Variants in LIPI observed in about 807,000 individuals in gnomAD.
The protein encoded by LIPI is lipase I.
Under a neutral mutation model 50.6 loss-of-function variants are expected in LIPI, and 59 were observed. The observed-to-expected ratio is 1.16, with a 90% CI of 0.94 to 1.45. The LOEUF is 1.45. Among genes scored for constraint, LIPI ranks in the 40% most tolerant of loss-of-function variants. The pLI, the probability that LIPI is intolerant of heterozygous loss-of-function variation, is 0.00. For missense variants in LIPI, 586 were observed against 536.3 expected (o/e 1.09, Z -0.92); for synonymous variants, 203 against 178.2 (o/e 1.14, Z -1.11).
intron 9 of LIPI, among the ~76,000 whole-genome samples, chr21:14,140,022 G>A (rs1447953938): frequency 1.3e-5 from 2 of 152,150 alleles, no homozygotes; most frequent in Non-Finnish European, 2.9e-5. Context: ...GCTTTTATAT[G>A]AAGTGTGAAG....
At chr21:14,192,959 CAAAT>C (rs2019726581) in intron 1 of LIPI, among the ~76,000 whole-genome samples, 1 of 152,082 alleles carries the variant, frequency 6.6e-6, no homozygotes, top group Non-Finnish European at 1.5e-5. Context: ...AAATATATGA[CAAAT>C]AAAAACAGTT....
intron 9 of LIPI, among the ~76,000 whole-genome samples, chr21:14,137,971 GA>G (rs1020387880): frequency 2.6e-5 from 4 of 151,948 alleles, no homozygotes; most frequent in African/African-American, 9.7e-5. Context: ...AGTGCTGAAG[GA>G]AAAAAATAAG....
intron 7 of LIPI, among the ~76,000 whole-genome samples, chr21:14,156,544 A>G (rs910409007): frequency 2.6e-5 from 4 of 151,966 alleles, no homozygotes; most frequent in African/African-American, 9.7e-5. Context: ...CATCTGTATT[A>G]GACTTCTGGA....
rs1243620492 is a variant in LIPI, at chr21:14,181,830, T to C, written c.571A>G (p.Arg191Gly). Residue 191 changes from arginine (R) to glycine (G), a missense_variant, in exon 4 of 10, where the codon AGA (arginine) becomes GGA (glycine). Coordinates refer to ENST00000681601, the MANE Select transcript of LIPI (RefSeq NM_001302998.2). ...GLDPAGPRFS[R>G]KPPYSRLDYT... ...TCTAATCTGCTATATGGTGGTTTTCTGGAGAACCTTGGCCCAGCAGGGTCA... is the reference window on the plus strand; with the variant it reads ...TCTAATCTGCTATATGGTGGTTTTCCGGAGAACCTTGGCCCAGCAGGGTCA... 1 of 1,612,006 alleles carries C rather than the reference T, an allele frequency of 6.2e-7. No individual in the cohort carries two copies. Among genetic ancestry groups the C allele is most frequent in the Non-Finnish European group, 8.5e-7 (1 of 1,178,462 alleles).
At chr21:14,155,725 T>A (rs2123110043) in intron 7 of LIPI, among the ~76,000 whole-genome samples, 1 of 152,092 alleles carries the variant, frequency 6.6e-6, no homozygotes, top group South Asian at 2.1e-4. Flanking sequence ...CCAACAAAAC[T>A]GTCCTTTGAG....
At chr21:14,116,159 C>G (rs1047468911) in intron 9 of LIPI, among the ~76,000 whole-genome samples, 30 of 151,982 alleles carry the variant, frequency 2.0e-4, no homozygotes, top group Non-Finnish European at 2.9e-4. Context: ...GAGAGAGGCT[C>G]GTTTCATCTG....
At chr21:14,150,159 A>G (rs1224205574) in intron 8 of LIPI, among the ~76,000 whole-genome samples, 5 of 152,282 alleles carry the variant, frequency 3.3e-5, no homozygotes, top group African/African-American at 1.2e-4. Flanking sequence ...CCAAACCTCA[A>G]TTCTTGTCTT....
chr21:14,190,430 A>G (rs1442069447), intron 1 of LIPI, among the ~76,000 whole-genome samples: 2 of 152,152 alleles, frequency 1.3e-5, no homozygotes, highest in Non-Finnish European at 2.9e-5. Flanking sequence ...TTTTCAATCC[A>G]TACCAAAAAT....
chr21:14,199,297 G>A (rs934786350), intron 1 of LIPI, among the ~76,000 whole-genome samples: 1 of 151,600 alleles, frequency 6.6e-6, no homozygotes, highest in Non-Finnish European at 1.5e-5. Context: ...AGAGATCAAT[G>A]AATCTAGGAG....
At chr21:14,163,368 TGCAAAAAAA>T (rs781492504) in intron 7 of LIPI, 42 bp downstream of exon 7, 1 of 858,260 alleles carries the variant, frequency 1.2e-6, no homozygotes, top group Non-Finnish European at 2.0e-6. Context: ...TGTAGATTAG[TGCAAAAAAA>T]ACTAAAAATT....
intron 1 of LIPI, chr21:14,207,015 G>A (rs1377862234): frequency 9.2e-6 from 8 of 873,972 alleles, no homozygotes; most frequent in East Asian, 5.0e-5. Flanking sequence ...TTCCAAGTAC[G>A]AAACAATTGA....
intron 1 of LIPI, among the ~76,000 whole-genome samples, chr21:14,203,388 C>T (rs7284055): frequency 0.56 from 84,502 of 151,328 alleles, 23,980 homozygotes; most frequent in African/African-American, 0.63. Context: ...TACACACTTA[C>T]GTTTATTGCA....
intron 8 of LIPI, among the ~76,000 whole-genome samples, chr21:14,147,448 A>G (rs1469084859): frequency 2.0e-5 from 3 of 152,150 alleles, no homozygotes; most frequent in African/African-American, 4.8e-5. Flanking sequence ...AGCACTTAAC[A>G]CAGTGCCTGG....
chr21:14,166,699 G>A (rs1022032322), intron 4 of LIPI, among the ~76,000 whole-genome samples: 11 of 152,074 alleles, frequency 7.2e-5, no homozygotes, highest in East Asian at 1.9e-4. Flanking sequence ...TGGTATGACC[G>A]CATAAGTGAA....
chr21:14,207,904 C>T (rs1441012789), intron 1 of LIPI, among the ~76,000 whole-genome samples: 1 of 152,166 alleles, frequency 6.6e-6, no homozygotes, highest in Non-Finnish European at 1.5e-5. Flanking sequence ...GATAGTATTA[C>T]AGCTATTAAC....
At chr21:14,204,656 G>A (rs1057160625) in intron 1 of LIPI, among the ~76,000 whole-genome samples, 3 of 151,496 alleles carry the variant, frequency 2.0e-5, no homozygotes, top group African/African-American at 7.3e-5. Flanking sequence ...AATAGAATGG[G>A]GACACCCATA....
intron 1 of LIPI, among the ~76,000 whole-genome samples, chr21:14,195,668 A>G (rs566436646): frequency 4.6e-5 from 7 of 152,310 alleles, no homozygotes; most frequent in Admixed American, 4.6e-4. Context: ...ATAATAATAC[A>G]TATCTTCTAA....
chr21:14,197,026 T>TACAC (rs140607205), intron 1 of LIPI, among the ~76,000 whole-genome samples: 9,466 of 147,160 alleles, frequency 0.064, 424 homozygotes, highest in East Asian at 0.26. Context: ...ATAGGACAAA[T>TACAC]ACACACACAC....
chr21:14,185,316 T>C (rs2019414369), intron 3 of LIPI, among the ~76,000 whole-genome samples: 1 of 152,014 alleles, frequency 6.6e-6, no homozygotes, highest in Non-Finnish European at 1.5e-5. Flanking sequence ...ACTAAGTAAA[T>C]AGTTATATTC....
Sources: allele counts gnomAD v4.1 joint callset (sites outside exome capture counted in the v4.1 genomes callset), GRCh38; gene constraint gnomAD v4.1.1; transcripts MANE v1.5; gene names NCBI Gene and HGNC (gene_info 2026-07-23, HGNC 2026-07-21).